The following DYRK1A variants were observed in gnomAD, a reference collection of about 807,000 sequenced individuals.
DYRK1A encodes the protein dual specificity tyrosine phosphorylation regulated kinase 1A, also known as dual specificity tyrosine-phosphorylation-regulated kinase 1A.
A neutral mutation model predicts 79.7 loss-of-function variants in DYRK1A; 9 were observed. The observed-to-expected ratio is 0.11, with a 90% confidence interval of 0.07 to 0.20. The LOEUF (loss-of-function observed/expected upper bound fraction) is 0.20. Among genes scored for constraint, DYRK1A ranks in the 10% least tolerant of loss-of-function variants. The pLI, the probability that DYRK1A is intolerant of heterozygous loss-of-function variation, is 1.00. For missense variants in DYRK1A, 622 were observed against 956.0 expected (o/e 0.65, Z 4.61); for synonymous variants, 349 against 329.7 (o/e 1.06, Z -0.63).
intron 1 of DYRK1A, among the ~76,000 whole-genome samples, chr21:37,403,963 C>T (rs1327494677): frequency 6.6e-6 from 1 of 152,008 alleles, no homozygotes; most frequent in Non-Finnish European, 1.5e-5. Context: ...TGGACCATGA[C>T]TTTCAAACTG....
rs1302821244 is a variant in DYRK1A at position 37,526,060 on chromosome 21, A to G, written c.*13529A>G. ...AAGAAGAACTATTGTTTGAATCACA[A>G]CTAATGTTACTGCTTTAAGCTCTTC... On this transcript the variant is annotated 3_prime_UTR_variant, in exon 12 of 12. Coordinates refer to ENST00000647188, the MANE Select transcript of DYRK1A (RefSeq NM_001347721.2). 1.3e-5 allele frequency: 2 copies of G among 152,258 alleles called. No individual in the cohort carries two copies. Among genetic ancestry groups the G allele is most frequent in the Non-Finnish European group, 2.9e-5 (2 of 68,050 alleles). The allele number at this position is 152,258 out of a possible 1,614,324, so 9.4% of individuals were successfully genotyped here. A position where few individuals can be genotyped will look rare whatever the true frequency, so the allele number is the denominator to read the frequency against.
rs1375046669 is a variant in DYRK1A, at chr21:37,519,909, T to C, written c.*7378T>C. 1 of 151,904 alleles carries C rather than the reference T, an allele frequency of 6.6e-6. No individual in the cohort carries two copies. The highest frequency in any genetic ancestry group is 1.5e-5 in the Non-Finnish European group (1 of 68,074). 9.4% of individuals were successfully genotyped at this position (151,904 alleles called of 1,614,324 possible). A position where few individuals can be genotyped will look rare whatever the true frequency, so the allele number is the denominator to read the frequency against. On this transcript the variant is annotated 3_prime_UTR_variant, in exon 12 of 12. Coordinates refer to ENST00000647188, the MANE Select transcript of DYRK1A (RefSeq NM_001347721.2). ...GGCGCCCGCCACCACGCCCGGCTAA[T>C]TTTTTTTGTGTATTTTTAGTAGAGA...
chr21:37,502,201 T>C (rs1241010962), intron 9 of DYRK1A: 2 of 152,224 alleles, frequency 1.3e-5, no homozygotes, highest in Non-Finnish European at 2.9e-5. Flanking sequence ...ATTATTTTTG[T>C]GTTGTGTGCA....
chr21:37,430,096 C>G (rs1482932457), intron 2 of DYRK1A, among the ~76,000 whole-genome samples: 1 of 152,168 alleles, frequency 6.6e-6, no homozygotes. Flanking sequence ...TCTTGGCCAT[C>G]AGTTTTAGAC....
chr21:37,368,789 G>A (rs780130705), intron 1 of DYRK1A, among the ~76,000 whole-genome samples: 2 of 152,148 alleles, frequency 1.3e-5, no homozygotes, highest in Non-Finnish European at 2.9e-5. Context: ...AATCATTAGG[G>A]TGTAACTCAT....
chr21:37,450,012 A>C (rs532228772), intron 2 of DYRK1A, among the ~76,000 whole-genome samples: 4 of 152,296 alleles, frequency 2.6e-5, no homozygotes, highest in East Asian at 1.9e-4. Context: ...GTCGCAGCAG[A>C]AGACCAGTCT....
intron 2 of DYRK1A, among the ~76,000 whole-genome samples, chr21:37,468,668 G>C (rs1226006352): frequency 2.0e-5 from 3 of 152,132 alleles, no homozygotes; most frequent in African/African-American, 7.2e-5. Flanking sequence ...TAATTTGGAG[G>C]GGGAAATGAA....
At chr21:37,455,036 T>TTTC (rs1464451241) in intron 2 of DYRK1A, among the ~76,000 whole-genome samples, 2 of 151,214 alleles carry the variant, frequency 1.3e-5, no homozygotes, top group Non-Finnish European at 2.9e-5. Context: ...TTTTTTTTTT[T>TTTC]TTCGTGCCCC....
At chr21:37,436,086 G>A (rs1161275291) in intron 2 of DYRK1A, among the ~76,000 whole-genome samples, 1 of 152,158 alleles carries the variant, frequency 6.6e-6, no homozygotes, top group African/African-American at 2.4e-5. Flanking sequence ...ATGGAAAAGT[G>A]CTGTAAGGAT....
At chr21:37,373,082 A>T (rs1392898885) in intron 1 of DYRK1A, among the ~76,000 whole-genome samples, 1 of 146,336 alleles carries the variant, frequency 6.8e-6, no homozygotes, top group Non-Finnish European at 1.6e-5. Flanking sequence ...TTAGATTCAT[A>T]GAATGATAGA....
intron 2 of DYRK1A, among the ~76,000 whole-genome samples, chr21:37,440,432 C>G (rs2051068201): frequency 1.3e-5 from 2 of 152,016 alleles, no homozygotes; most frequent in Non-Finnish European, 2.9e-5. Flanking sequence ...CCACTGCGCC[C>G]AGCTTCATTT....
intron 11 of DYRK1A, among the ~76,000 whole-genome samples, chr21:37,508,453 AT>A (rs200006422): frequency 3.6e-3 from 553 of 152,224 alleles, no homozygotes; most frequent in East Asian, 0.01. Context: ...ATGCTGGCTA[AT>A]TTTTGTATTT....
chr21:37,514,586 T>C lies in DYRK1A; in HGVS notation c.*2055T>C, dbSNP rs892188633. The stretch of plus-strand genomic sequence containing the variant: ...CAGTGAGAAAAGAAAGGCTAAACAC[T>C]ATGTAAATGTGAATGGAAACTTGGA... On this transcript the variant is annotated 3_prime_UTR_variant, in exon 12 of 12. Transcript: ENST00000647188. The C allele has an allele frequency of 9.2e-5, 14 of 152,594 alleles. No individual in the cohort carries two copies. The highest frequency in any genetic ancestry group is 3.1e-4 in the African/African-American group (13 of 41,434). The allele number at this position is 152,594 out of a possible 1,614,324, so 9.5% of individuals were successfully genotyped here. A position where few individuals can be genotyped will look rare whatever the true frequency, so the allele number is the denominator to read the frequency against.
chr21:37,416,093 G>A (rs2050332742), intron 1 of DYRK1A, among the ~76,000 whole-genome samples: 1 of 152,002 alleles, frequency 6.6e-6, no homozygotes, highest in South Asian at 2.1e-4. Flanking sequence ...TGTGACCTTA[G>A]GCCAGTTAAT....
At chr21:37,374,639 G>A (rs930153275) in intron 1 of DYRK1A, among the ~76,000 whole-genome samples, 4 of 151,740 alleles carry the variant, frequency 2.6e-5, no homozygotes, top group African/African-American at 9.7e-5. Flanking sequence ...TGCAAGCTCC[G>A]CCTCCTGGGT....
chr21:37,431,085 A>G (rs371000243), intron 2 of DYRK1A, among the ~76,000 whole-genome samples: 193 of 152,210 alleles, frequency 1.3e-3, no homozygotes, highest in African/African-American at 4.6e-3. Context: ...TCTCCATCCC[A>G]TGCTTTATTT....
chr21:37,499,031 G>A, intron 9 of DYRK1A, among the ~76,000 whole-genome samples: 1 of 152,030 alleles, frequency 6.6e-6, no homozygotes, highest in Admixed American at 6.5e-5. Context: ...TTTGTCACAT[G>A]TATGTCAGTG....
At position 37,448,176 on chromosome 21, in the gene DYRK1A, G is replaced by A. The variant is rs1475487245; in HGVS notation, c.11-24508G>A. The stretch of plus-strand genomic sequence containing the variant: ...AGTGTTTGTTACATAGAAGATTAAC[G>A]TGTAAAATATTTCAGAAGAGATTTT... On this transcript the variant is annotated intron_variant, in intron 2 of 11. Coordinates refer to ENST00000647188, the MANE Select transcript of DYRK1A (RefSeq NM_001347721.2). Among the ~76,000 whole-genome samples, 5 of 152,314 alleles carry A rather than the reference G, an allele frequency of 3.3e-5. No homozygotes were observed. In the East Asian group the frequency reaches 7.7e-4, roughly 23 times the overall value.
At chr21:37,510,215 AT>A (rs2053711368) in intron 11 of DYRK1A, among the ~76,000 whole-genome samples, 1 of 152,228 alleles carries the variant, frequency 6.6e-6, no homozygotes, top group South Asian at 2.1e-4. Flanking sequence ...GTGATTTATA[AT>A]TTTGATAACT....
Sources: gnomAD v4.1 joint callset for allele counts (sites outside exome capture counted in the v4.1 genomes callset) on GRCh38, gnomAD v4.1.1 for gene constraint, MANE v1.5 for transcripts, NCBI Gene and HGNC (gene_info 2026-07-23, HGNC 2026-07-21) for gene names.